IMMP2L: variants seen among roughly 807,000 people sequenced by gnomAD.
The protein encoded by IMMP2L is mitochondrial inner membrane protease subunit 2.
Under a neutral mutation model 19.3 loss-of-function variants are expected in IMMP2L, and 18 were observed. The observed-to-expected ratio is 0.93, with a 90% CI of 0.64 to 1.38. The LOEUF (loss-of-function observed/expected upper bound fraction) is 1.38. Among genes scored for constraint, IMMP2L ranks in the 40% most tolerant of loss-of-function variants. IMMP2L has a pLI of 0.00. For missense variants in IMMP2L, 233 were observed against 218.2 expected (o/e 1.07, Z -0.43); for synonymous variants, 76 against 73.0 (o/e 1.04, Z -0.21).
At chr7:111,071,726 G>A (rs902999929) in intron 3 of IMMP2L, among the ~76,000 whole-genome samples, 1 of 152,056 alleles carries the variant, frequency 6.6e-6, no homozygotes, top group African/African-American at 2.4e-5. Flanking sequence ...AGAGCAAGGG[G>A]AAAGGGAGAA....
intron 5 of IMMP2L, among the ~76,000 whole-genome samples, chr7:110,833,841 T>C (rs1288937469): frequency 6.6e-6 from 1 of 152,150 alleles, no homozygotes; most frequent in Non-Finnish European, 1.5e-5. Flanking sequence ...CAAACTCCTT[T>C]GAATGGGGCA....
At chr7:111,486,168 C>A (rs995172536) in intron 3 of IMMP2L, among the ~76,000 whole-genome samples, 3 of 152,104 alleles carry the variant, frequency 2.0e-5, no homozygotes, top group African/African-American at 7.2e-5. Context: ...GGATGTCTGC[C>A]ATACAAAACT....
intron 5 of IMMP2L, among the ~76,000 whole-genome samples, chr7:110,737,679 T>A (rs1202271349): frequency 6.6e-6 from 1 of 152,204 alleles, no homozygotes; most frequent in Non-Finnish European, 1.5e-5. Flanking sequence ...CAGTTGTCCC[T>A]AGAGCAAGTT....
chr7:110,974,538 C>T (rs1391437784), intron 3 of IMMP2L, among the ~76,000 whole-genome samples: 5 of 152,076 alleles, frequency 3.3e-5, no homozygotes, highest in African/African-American at 7.2e-5. Flanking sequence ...GATTCAGTTT[C>T]GTTTTAAAAT....
intron 2 of IMMP2L, among the ~76,000 whole-genome samples, chr7:111,521,103 TGATA>T (rs1317307899): frequency 6.6e-6 from 1 of 152,146 alleles, no homozygotes; most frequent in African/African-American, 2.4e-5. Flanking sequence ...CCCAGAGAAC[TGATA>T]GTTACTTTTA....
intron 3 of IMMP2L, among the ~76,000 whole-genome samples, chr7:111,299,006 A>G (rs1285464607): frequency 6.6e-6 from 1 of 152,186 alleles, no homozygotes; most frequent in African/African-American, 2.4e-5. Flanking sequence ...GAGAAAGTAC[A>G]GTCAAAAGGC....
chr7:110,748,096 C>T (rs1425535846), intron 5 of IMMP2L, among the ~76,000 whole-genome samples: 1 of 152,148 alleles, frequency 6.6e-6, no homozygotes, highest in Non-Finnish European at 1.5e-5. Context: ...CATTCCTGTA[C>T]ACCAATAACA....
intron 5 of IMMP2L, among the ~76,000 whole-genome samples, chr7:110,714,923 T>G (rs1389856314): frequency 1.3e-5 from 2 of 152,142 alleles, no homozygotes; most frequent in African/African-American, 4.8e-5. Context: ...TGGCCAATTT[T>G]TTGTTACTGA....
intron 5 of IMMP2L, among the ~76,000 whole-genome samples, chr7:110,825,397 C>G (rs1161208062): frequency 2.0e-5 from 3 of 152,000 alleles, no homozygotes; most frequent in East Asian, 1.9e-4. Context: ...TAAGCCAAAA[C>G]AACAGAGCTG....
intron 3 of IMMP2L, among the ~76,000 whole-genome samples, chr7:111,445,543 G>C (rs189823482): frequency 6.6e-6 from 1 of 152,086 alleles, no homozygotes; most frequent in Non-Finnish European, 1.5e-5. Context: ...AACTTTAAAG[G>C]ACTAATGGAG....
At chr7:111,289,964 C>A (rs1007778030) in intron 3 of IMMP2L, among the ~76,000 whole-genome samples, 1 of 152,104 alleles carries the variant, frequency 6.6e-6, no homozygotes, top group Admixed American at 6.6e-5. Context: ...AGTTAACACT[C>A]TCTTAACATC....
At chr7:110,953,094 T>C (rs776193689) in intron 4 of IMMP2L, among the ~76,000 whole-genome samples, 2 of 152,146 alleles carry the variant, frequency 1.3e-5, no homozygotes, top group Non-Finnish European at 2.9e-5. Context: ...TCTGATTCCT[T>C]AGAAATATAT....
At chr7:111,175,862 A>G (rs966282180) in intron 3 of IMMP2L, among the ~76,000 whole-genome samples, 1 of 151,940 alleles carries the variant, frequency 6.6e-6, no homozygotes, top group South Asian at 2.1e-4. Flanking sequence ...GGGAGAAAAT[A>G]TTTGCTAAGT....
chr7:111,347,694 T>C (rs932647512), intron 3 of IMMP2L, among the ~76,000 whole-genome samples: 3 of 151,674 alleles, frequency 2.0e-5, no homozygotes, highest in South Asian at 2.1e-4. Flanking sequence ...GAGTAGAGGG[T>C]TGGGCTTGAG....
intron 5 of IMMP2L, among the ~76,000 whole-genome samples, chr7:110,879,118 G>A (rs114264689): frequency 0.056 from 8,490 of 152,064 alleles, 325 homozygotes; most frequent in South Asian, 0.092. Flanking sequence ...TATAGCAGGC[G>A]CGGTGGCTCA....
intron 3 of IMMP2L, among the ~76,000 whole-genome samples, chr7:111,273,145 C>T (rs1262537229): frequency 3.3e-5 from 5 of 151,894 alleles, no homozygotes; most frequent in Non-Finnish European, 7.4e-5. Flanking sequence ...GGCATGGTGG[C>T]GGGCATCTGT....
In IMMP2L at chr7:110,812,056, T is replaced by C. The variant is rs150933232; in HGVS notation, c.408+74537A>G. Reference sequence around the variant, plus strand: ...TCCAACCTTATTTCTCTGACACATATATTTGGTGATGGAATAAACCTATAG... The same window carrying C: ...TCCAACCTTATTTCTCTGACACATACATTTGGTGATGGAATAAACCTATAG... On this transcript the variant is annotated intron_variant, in intron 5 of 5. Transcript: ENST00000405709. Among the ~76,000 whole-genome samples, 266 of 152,156 alleles carry C rather than the reference T, an allele frequency of 1.7e-3. 2 individuals are homozygous for C. The Middle Eastern group carries it at 0.031, about 18-fold the overall frequency.
At chr7:111,421,741 T>A (rs541513280) in intron 3 of IMMP2L, among the ~76,000 whole-genome samples, 10 of 151,764 alleles carry the variant, frequency 6.6e-5, no homozygotes, top group East Asian at 1.9e-4. Flanking sequence ...CCCATTTGTC[T>A]ATTTTGGCTT....
intron 3 of IMMP2L, among the ~76,000 whole-genome samples, chr7:110,969,873 C>A (rs1819956331): frequency 6.6e-6 from 1 of 152,058 alleles, no homozygotes; most frequent in Non-Finnish European, 1.5e-5. Flanking sequence ...CCTAAGAAGG[C>A]AGCAGCAGAA....
Sources: allele counts gnomAD v4.1 joint callset (sites outside exome capture counted in the v4.1 genomes callset), GRCh38; gene constraint gnomAD v4.1.1; transcripts MANE v1.5; gene names NCBI Gene and HGNC (gene_info 2026-07-23, HGNC 2026-07-21).